The following TPRG1 variants were observed in gnomAD, a reference collection of about 807,000 sequenced individuals.
TPRG1 encodes the protein tumor protein p63 regulated 1.
In TPRG1, 29 loss-of-function variants were observed where a neutral mutation model predicts 29.3. The ratio of observed to expected loss-of-function variants is 0.99; its 90% confidence interval spans 0.74 to 1.35. The LOEUF (loss-of-function observed/expected upper bound fraction) is 1.35, where lower values mean the gene tolerates loss of function less well. TPRG1 is among the 40% of genes most tolerant of loss of function. TPRG1 has a pLI of 0.00. For synonymous variants in TPRG1, 130 were observed against 116.8 expected (o/e 1.11, Z -0.73); for missense variants, 327 against 335.0 (o/e 0.98, Z 0.19).
At chr3:189,032,818 AT>A (rs1305589787) in intron 4 of TPRG1, among the ~76,000 whole-genome samples, 2 of 136,064 alleles carry the variant, frequency 1.5e-5, no homozygotes, top group Non-Finnish European at 3.0e-5. Flanking sequence ...TCATTGTTCA[AT>A]TCCCACCTAT....
intron 3 of TPRG1, among the ~76,000 whole-genome samples, chr3:189,012,399 G>A (rs765513690): frequency 5.9e-5 from 9 of 152,074 alleles, no homozygotes; most frequent in African/African-American, 2.2e-4. Flanking sequence ...TGTGGTTTTT[G>A]TCTTTAAGTA....
chr3:189,317,911 G>A (rs745474476), intron 5 of TPRG1, among the ~76,000 whole-genome samples: 5 of 152,250 alleles, frequency 3.3e-5, no homozygotes, highest in African/African-American at 9.6e-5. Flanking sequence ...TGGAAATTAC[G>A]ATGGGTAGAA....
At chr3:189,312,379 G>C (rs950813701) in intron 5 of TPRG1, among the ~76,000 whole-genome samples, 2 of 151,774 alleles carry the variant, frequency 1.3e-5, no homozygotes, top group Admixed American at 1.3e-4. Flanking sequence ...AAGATAAAGA[G>C]CTTAATAACC....
intron 1 of TPRG1, among the ~76,000 whole-genome samples, chr3:189,198,464 G>A (rs1732924415): frequency 6.6e-6 from 1 of 152,208 alleles, no homozygotes; most frequent in African/African-American, 2.4e-5. Context: ...GTGTGTCTGT[G>A]AGAGAAGATG....
At chr3:189,229,990 T>C (rs1738379062) in intron 3 of TPRG1, among the ~76,000 whole-genome samples, 2 of 152,150 alleles carry the variant, frequency 1.3e-5, no homozygotes, top group Admixed American at 6.5e-5. Context: ...GCAGCCTCCT[T>C]AGAATGGGGT....
At chr3:189,101,349 T>C (rs1456637874) in intron 1 of TPRG1, among the ~76,000 whole-genome samples, 4 of 152,086 alleles carry the variant, frequency 2.6e-5, no homozygotes, top group African/African-American at 9.7e-5. Context: ...GACTTTTTCT[T>C]ATATCCCACA....
chr3:189,256,915 G>T (rs931022076), intron 4 of TPRG1, among the ~76,000 whole-genome samples: 4 of 152,096 alleles, frequency 2.6e-5, no homozygotes, highest in African/African-American at 9.7e-5. Context: ...AGTGAGATGG[G>T]TGTCCTGAAT....
At position 189,088,970 on chromosome 3, in the gene TPRG1, A is replaced by G. The variant is rs1474033363; in HGVS notation, c.-462-38087A>G. Among the ~76,000 whole-genome samples, 10 of 44,872 alleles carry G rather than the reference A, an allele frequency of 2.2e-4. No homozygotes were observed. In the African/African-American group the frequency reaches 2.5e-3, roughly 11 times the overall value. The allele number at this position is 44,872 out of a possible 152,430, so 29.4% of individuals were successfully genotyped here. On this transcript the variant is annotated intron_variant, in intron 4 of 10. Coordinates refer to the TPRG1 transcript ENST00000433971. ...GTCAGATATATGTGTATCTATTGATATCTATCTATCTATCTATCTATCTAT... is the reference window on the plus strand; with the variant it reads ...GTCAGATATATGTGTATCTATTGATGTCTATCTATCTATCTATCTATCTAT...
intron 1 of TPRG1, among the ~76,000 whole-genome samples, chr3:189,107,208 T>C (rs1001555798): frequency 5.3e-5 from 8 of 152,096 alleles, no homozygotes; most frequent in African/African-American, 1.9e-4. Context: ...ACCTATTATA[T>C]AGGGGAATGT....
At chr3:189,095,273 T>A (rs909792580), upstream of TPRG1, among the ~76,000 whole-genome samples, 1 of 152,052 alleles carries the variant, frequency 6.6e-6, no homozygotes, top group African/African-American at 2.4e-5. Context: ...ACTGGCAAGG[T>A]TTCTAATGAT....
intron 4 of TPRG1, among the ~76,000 whole-genome samples, chr3:189,290,968 T>C (rs145745138): frequency 1.5e-3 from 233 of 152,220 alleles, no homozygotes; most frequent in African/African-American, 5.3e-3. Context: ...AGTGGCCCGA[T>C]CTCCACTCAC....
intron 4 of TPRG1, among the ~76,000 whole-genome samples, chr3:189,287,380 A>G (rs1718229498): frequency 6.6e-6 from 1 of 150,726 alleles, no homozygotes; most frequent in Non-Finnish European, 1.5e-5. Flanking sequence ...CACACACAGT[A>G]CCTGTTTCTT....
chr3:189,259,976 A>G (rs368122263), intron 4 of TPRG1, among the ~76,000 whole-genome samples: 4 of 152,142 alleles, frequency 2.6e-5, no homozygotes, highest in African/African-American at 9.7e-5. Flanking sequence ...ACTAAGCCCC[A>G]TTTCTTTCCC....
intron 1 of TPRG1, among the ~76,000 whole-genome samples, chr3:189,175,508 G>A (rs183905987): frequency 2.0e-5 from 3 of 152,258 alleles, no homozygotes; most frequent in East Asian, 1.9e-4. Context: ...TGGGCATTAC[G>A]GCTATTGACC....
At chr3:189,272,264 GTTATA>G (rs1450304786) in intron 4 of TPRG1, among the ~76,000 whole-genome samples, 1 of 152,158 alleles carries the variant, frequency 6.6e-6, no homozygotes, top group East Asian at 1.9e-4. Context: ...ATAATTAAGT[GTTATA>G]TTATAGTGGG....
chr3:189,257,202 G>A (rs1019490493), intron 4 of TPRG1, among the ~76,000 whole-genome samples: 1 of 152,240 alleles, frequency 6.6e-6, no homozygotes, highest in South Asian at 2.1e-4. Flanking sequence ...CAGTTCTAGT[G>A]GTGACAAAAT....
intron 1 of TPRG1, among the ~76,000 whole-genome samples, chr3:189,196,903 T>C (rs1732628332): frequency 6.6e-6 from 1 of 152,170 alleles, no homozygotes; most frequent in Non-Finnish European, 1.5e-5. Flanking sequence ...TTCCATGAAT[T>C]TTATAAAATC....
chr3:189,214,962 A>ATTTTATATATATATATATATATTT, intron 2 of TPRG1, among the ~76,000 whole-genome samples: 1 of 147,500 alleles, frequency 6.8e-6, no homozygotes, highest in African/African-American at 2.5e-5. Flanking sequence ...GGTTTAATTT[A>ATTTTATATATATATATATATATTT]AAAATGTACA....
At chr3:189,036,887 A>C (rs1714302956) in intron 4 of TPRG1, among the ~76,000 whole-genome samples, 1 of 151,906 alleles carries the variant, frequency 6.6e-6, no homozygotes, top group South Asian at 2.1e-4. Context: ...TAAAAATTCC[A>C]GAATCAGCAG....
Sources: allele counts gnomAD v4.1 joint callset (sites outside exome capture counted in the v4.1 genomes callset), GRCh38; gene constraint gnomAD v4.1.1; transcripts MANE v1.5; gene names NCBI Gene and HGNC (gene_info 2026-07-23, HGNC 2026-07-21).